The following PLCE1 variants were observed in gnomAD, a reference collection of about 807,000 sequenced individuals.
PLCE1 encodes 1-phosphatidylinositol 4,5-bisphosphate phosphodiesterase epsilon-1.
A neutral mutation model predicts 242.8 loss-of-function variants in PLCE1; 119 were observed. The observed-to-expected ratio is 0.49, with a 90% CI of 0.42 to 0.57. The LOEUF is 0.57. Ranked by LOEUF, PLCE1 falls within the 20% of genes least tolerant of loss-of-function variation. The probability of loss-of-function intolerance (pLI) is 0.00; values close to 1 mark genes in which losing one functional copy is unlikely to be tolerated. For synonymous variants in PLCE1, 945 were observed against 1,017.4 expected, an observed-to-expected ratio of 0.93 and a Z score of 1.35; for missense variants, 2,441 against 2,788.8, an observed-to-expected ratio of 0.88 and a Z score of 2.81.
chr10:94,225,279 A>C (rs1487806659), intron 4 of PLCE1: 2 of 151,742 alleles, frequency 1.3e-5, no homozygotes, highest in Non-Finnish European at 2.9e-5. Flanking sequence ...CATATTTTGG[A>C]CTCTTCTCAG....
chr10:94,184,325 C>CTTTA (rs747524618), intron 4 of PLCE1, among the ~76,000 whole-genome samples: 86 of 152,080 alleles, frequency 5.7e-4, no homozygotes, highest in Non-Finnish European at 1.0e-3. Flanking sequence ...TCCAACTTAA[C>CTTTA]TTTATTTATT....
chr10:94,233,634 C>G (rs1045335127), intron 5 of PLCE1, among the ~76,000 whole-genome samples: 1 of 152,090 alleles, frequency 6.6e-6, no homozygotes, highest in African/African-American at 2.4e-5. Flanking sequence ...GATAGGAACC[C>G]TACATAAATA....
intron 3 of PLCE1, among the ~76,000 whole-genome samples, chr10:94,141,739 G>A (rs1317782452): frequency 1.3e-5 from 2 of 151,954 alleles, no homozygotes; most frequent in African/African-American, 2.4e-5. Flanking sequence ...AAGGAAGATC[G>A]GGTAATTGAA....
intron 2 of PLCE1, among the ~76,000 whole-genome samples, chr10:94,079,086 A>C (rs981876796): frequency 3.3e-5 from 5 of 152,194 alleles, no homozygotes; most frequent in Non-Finnish European, 7.3e-5. Context: ...AATTAAATTA[A>C]TTAAATTGTA....
In PLCE1 at chr10:94,313,393, T is replaced by C. The variant is rs1467780937; in HGVS notation, c.6132+11T>C. On this transcript the variant is annotated intron_variant, in intron 28 of 32. Transcript: ENST00000371380. Reference sequence around the variant, plus strand: ...CAGCTTCTGCAGCAAGTAAGTCCACTGAGCCGTGGTTGGGAGAATCCAAAA... The same window carrying C: ...CAGCTTCTGCAGCAAGTAAGTCCACCGAGCCGTGGTTGGGAGAATCCAAAA... The C allele has an allele frequency of 6.2e-7, 1 of 1,614,158 alleles. No individual in the cohort carries two copies.
chr10:94,243,559 A>T (rs2050580851), intron 7 of PLCE1, among the ~76,000 whole-genome samples: 1 of 152,212 alleles, frequency 6.6e-6, no homozygotes, highest in Non-Finnish European at 1.5e-5. Context: ...TGTGAGGTAC[A>T]CTGTCTTTGG....
intron 1 of PLCE1, among the ~76,000 whole-genome samples, chr10:93,999,665 G>C (rs1186144065): frequency 6.6e-6 from 1 of 152,164 alleles, no homozygotes; most frequent in African/African-American, 2.4e-5. Flanking sequence ...CAGTTCCTGG[G>C]CTGGCCTCCC....
chr10:94,100,274 T>A (rs982516516), intron 2 of PLCE1: 1 of 152,176 alleles, frequency 6.6e-6, no homozygotes, highest in Non-Finnish European at 1.5e-5. Flanking sequence ...CACCTCTATG[T>A]CACCTTCCCT....
At chr10:94,253,371 A>C (rs966168276) in intron 9 of PLCE1, among the ~76,000 whole-genome samples, 1 of 151,786 alleles carries the variant, frequency 6.6e-6, no homozygotes, top group Non-Finnish European at 1.5e-5. Context: ...TTTTTCTCTT[A>C]GAAACAGGGT....
intron 4 of PLCE1, among the ~76,000 whole-genome samples, chr10:94,222,209 G>A (rs917486945): frequency 1.3e-5 from 2 of 152,220 alleles, no homozygotes; most frequent in Non-Finnish European, 2.9e-5. Context: ...GATCCATGCA[G>A]TGGTGAGAAT....
intron 2 of PLCE1, among the ~76,000 whole-genome samples, chr10:94,097,293 A>G (rs1307101640): frequency 6.6e-6 from 1 of 152,206 alleles, no homozygotes; most frequent in South Asian, 2.1e-4. Context: ...AGATTTGGTC[A>G]TCATGCACTG....
chr10:94,052,410 A>G lies in PLCE1; in HGVS notation c.1206+20158A>G, dbSNP rs549138640. ...TGAGGCAGGAGAGGCTGGGGAAGAC[A>G]GTAGAGGTGTCCTCGCAGTAGATAA... On this transcript the variant is annotated intron_variant, in intron 2 of 32. Transcript: ENST00000371380. Among the ~76,000 whole-genome samples the G allele has an allele frequency of 3.3e-5, 5 of 152,306 alleles. No homozygotes were observed. The East Asian group carries it at 9.6e-4, about 29-fold the overall frequency.
At chr10:94,099,300 A>G (rs955193033) in intron 2 of PLCE1, among the ~76,000 whole-genome samples, 1 of 152,224 alleles carries the variant, frequency 6.6e-6, no homozygotes, top group East Asian at 1.9e-4. Context: ...TCCTTCTGAT[A>G]TTAAGTGCCT....
At chr10:94,022,959 A>G (rs2061398245) in intron 1 of PLCE1, among the ~76,000 whole-genome samples, 1 of 152,172 alleles carries the variant, frequency 6.6e-6, no homozygotes, top group African/African-American at 2.4e-5. Context: ...TAGCATATTT[A>G]TAAAACCCTT....
chr10:94,325,128 C>G (rs757837128), intron 32 of PLCE1, 24 bp downstream of exon 32: 1 of 1,507,266 alleles, frequency 6.6e-7, no homozygotes, highest in Admixed American at 1.7e-5. Flanking sequence ...TTGCACCATC[C>G]TGGAACAGGG....
chr10:94,289,142 C>A (rs56376834), intron 22 of PLCE1, among the ~76,000 whole-genome samples: 3,118 of 152,266 alleles, frequency 0.02, 29 homozygotes, highest in South Asian at 0.041. Flanking sequence ...AGAGGTAGCC[C>A]TGTTCACTGA....
intron 18 of PLCE1, 95 bp downstream of exon 18, chr10:94,270,697 TCTCG>T (rs1356951730): frequency 2.4e-5 from 20 of 831,218 alleles, no homozygotes; most frequent in Non-Finnish European, 2.9e-5. Context: ...TGAGACAGAG[TCTCG>T]CTCTCTCACC....
In PLCE1 at chr10:94,328,016, T is replaced by C. The variant is rs576903960; in HGVS notation, c.*73T>C. On this transcript the variant is annotated 3_prime_UTR_variant, in exon 33 of 33. Coordinates refer to ENST00000371380, the MANE Select transcript of PLCE1 (RefSeq NM_016341.4). The stretch of plus-strand genomic sequence containing the variant: ...TAAAGAGTGAACATGGTGGAAAAAA[T>C]ATAATTATTTTCATCAGACTTAAAC... 2 of 529,810 alleles carry C rather than the reference T, an allele frequency of 3.8e-6. No individual in the cohort carries two copies. The highest frequency in any genetic ancestry group is 1.9e-5 in the African/African-American group (1 of 51,974). The allele number at this position is 529,810 out of a possible 1,614,324, so 32.8% of individuals were successfully genotyped here.
intron 19 of PLCE1, among the ~76,000 whole-genome samples, chr10:94,277,020 C>G (rs1427680310): frequency 2.0e-5 from 3 of 152,120 alleles, no homozygotes; most frequent in Admixed American, 6.5e-5. Flanking sequence ...TGATCCAGAG[C>G]TCCAGTGGGC....
Sources: allele counts gnomAD v4.1 joint callset (sites outside exome capture counted in the v4.1 genomes callset), GRCh38; gene constraint gnomAD v4.1.1; transcripts MANE v1.5; gene names NCBI Gene and HGNC (gene_info 2026-07-23, HGNC 2026-07-21).